The following C12orf42 variants were observed in gnomAD, a reference collection of about 807,000 sequenced individuals.
C12orf42 encodes the protein chromosome 12 open reading frame 42.
Under a neutral mutation model 21.6 loss-of-function variants are expected in C12orf42, and 25 were observed. That is an observed-to-expected ratio of 1.16 (90% confidence interval 0.84 to 1.62). The LOEUF is 1.62. Among genes scored for constraint, C12orf42 ranks in the 40% most tolerant of loss-of-function variants. C12orf42 has a pLI of 0.00. For synonymous variants in C12orf42, 174 were observed against 175.0 expected (o/e 0.99, Z 0.05); for missense variants, 483 against 459.3 (o/e 1.05, Z -0.47).
At chr12:103,406,547 T>C (rs2048440416) in intron 2 of C12orf42, among the ~76,000 whole-genome samples, 1 of 152,226 alleles carries the variant, frequency 6.6e-6, no homozygotes, top group Non-Finnish European at 1.5e-5. Flanking sequence ...GCTGATGCTT[T>C]TCTCTCCACT....
chr12:103,217,764 T>C, the C12orf42 span, among the ~76,000 whole-genome samples: 5 of 152,124 alleles, frequency 3.3e-5, no homozygotes. Context: ...CCTCTCTATA[T>C]ATAGTTATAT....
chr12:103,083,733 C>G, the C12orf42 span, among the ~76,000 whole-genome samples: 2 of 152,132 alleles, frequency 1.3e-5, no homozygotes, highest in Non-Finnish European at 2.9e-5. Context: ...TGAACAGAGT[C>G]TTTTGATTTG....
At chr12:103,438,509 C>G (rs1950929233) in intron 2 of C12orf42, among the ~76,000 whole-genome samples, 1 of 152,028 alleles carries the variant, frequency 6.6e-6, no homozygotes, top group Non-Finnish European at 1.5e-5. Context: ...TGGAAAACCT[C>G]ATTGTCTCAG....
chr12:103,361,920 A>T (rs1000654761), intron 4 of C12orf42, among the ~76,000 whole-genome samples: 5 of 151,762 alleles, frequency 3.3e-5, no homozygotes, highest in Non-Finnish European at 7.4e-5. Context: ...TTCCCTACCC[A>T]CCCTGGTAGC....
intron 2 of C12orf42, among the ~76,000 whole-genome samples, chr12:103,437,426 G>A (rs1950817036): frequency 6.6e-6 from 1 of 151,598 alleles, no homozygotes; most frequent in South Asian, 2.1e-4. Flanking sequence ...GAAGGAAATA[G>A]AGACACAAAA....
the C12orf42 span, among the ~76,000 whole-genome samples, chr12:103,074,730 C>T: frequency 1.3e-5 from 2 of 152,098 alleles, no homozygotes; most frequent in African/African-American, 2.4e-5. Flanking sequence ...AAATCTAAAA[C>T]TAAAGTAAGG....
the C12orf42 span, among the ~76,000 whole-genome samples, chr12:103,230,614 C>T: frequency 6.6e-6 from 1 of 152,290 alleles, no homozygotes; most frequent in Admixed American, 6.5e-5. Context: ...TTTGACAAGG[C>T]CTCTTGTCTG....
the C12orf42 span, among the ~76,000 whole-genome samples, chr12:103,188,492 C>T: frequency 1.6e-3 from 248 of 152,102 alleles, no homozygotes; most frequent in African/African-American, 5.3e-3. Flanking sequence ...TGATACTATG[C>T]GATATGGTTT....
At chr12:103,438,945 G>A (rs11111579) in intron 2 of C12orf42, among the ~76,000 whole-genome samples, 96,270 of 151,822 alleles carry the variant, frequency 0.63, 31,272 homozygotes, top group Admixed American at 0.73. Flanking sequence ...AGCCCGCATC[G>A]CCAAGGCAAT....
At chr12:103,363,532 C>T (rs2044305982) in intron 4 of C12orf42, among the ~76,000 whole-genome samples, 1 of 152,056 alleles carries the variant, frequency 6.6e-6, no homozygotes, top group African/African-American at 2.4e-5. Flanking sequence ...ATAAATGCTC[C>T]ACTTAAAAGA....
intron 2 of C12orf42, among the ~76,000 whole-genome samples, chr12:103,443,202 T>A (rs6539076): frequency 0.81 from 123,953 of 152,090 alleles, 50,616 homozygotes; most frequent in Admixed American, 0.87. Flanking sequence ...TTTATTGCTT[T>A]TCTACGACTA....
intron 3 of C12orf42, among the ~76,000 whole-genome samples, chr12:103,375,443 A>T (rs1371410477): frequency 6.6e-6 from 1 of 152,196 alleles, no homozygotes. Context: ...CAAAGTAAAA[A>T]TTATCAAAAA....
chr12:103,469,102 A>T (rs896424409), intron 2 of C12orf42, among the ~76,000 whole-genome samples: 2 of 152,058 alleles, frequency 1.3e-5, no homozygotes, highest in African/African-American at 4.8e-5. Context: ...TCAGCCTCAC[A>T]CCACCGTCAC....
the C12orf42 span, among the ~76,000 whole-genome samples, chr12:103,193,885 A>G: frequency 6.6e-6 from 1 of 152,316 alleles, no homozygotes; most frequent in African/African-American, 2.4e-5. Flanking sequence ...ACACAAAACT[A>G]TAGGCCATTA....
At chr12:103,283,202 A>T (rs2036237930) in intron 4 of C12orf42, among the ~76,000 whole-genome samples, 1 of 152,224 alleles carries the variant, frequency 6.6e-6, no homozygotes, top group Non-Finnish European at 1.5e-5. Context: ...GCATGTCATC[A>T]GTATACCACG....
the C12orf42 span, among the ~76,000 whole-genome samples, chr12:103,218,589 C>A: frequency 1.3e-5 from 2 of 152,048 alleles, no homozygotes; most frequent in Non-Finnish European, 2.9e-5. Flanking sequence ...CTGGTACTAC[C>A]CAGACACGGC....
the C12orf42 span, among the ~76,000 whole-genome samples, chr12:103,524,024 G>A: frequency 3.9e-5 from 6 of 152,106 alleles, no homozygotes; most frequent in African/African-American, 1.2e-4. Flanking sequence ...TCCAACCCTT[G>A]CTCCTGGAAA....
the C12orf42 span, among the ~76,000 whole-genome samples, chr12:103,222,221 G>C: frequency 6.6e-6 from 1 of 152,060 alleles, no homozygotes; most frequent in Non-Finnish European, 1.5e-5. Context: ...GAGAGTCAGC[G>C]AAGGGAGATA....
intron 3 of C12orf42, among the ~76,000 whole-genome samples, chr12:103,370,323 C>T (rs569525295): frequency 6.6e-6 from 1 of 152,266 alleles, no homozygotes; most frequent in African/African-American, 2.4e-5. Flanking sequence ...ATGGCACTTT[C>T]TCAAAGAACT....
Sources: allele counts gnomAD v4.1 joint callset (sites outside exome capture counted in the v4.1 genomes callset), GRCh38; gene constraint gnomAD v4.1.1; transcripts MANE v1.5; gene names NCBI Gene and HGNC (gene_info 2026-07-23, HGNC 2026-07-21).